The following GAB1 variants were observed in gnomAD, a reference collection of about 807,000 sequenced individuals.
GAB1 encodes GRB2 associated binding protein 1.
In GAB1, 19 loss-of-function variants were observed where a neutral mutation model predicts 66.5. The ratio of observed to expected loss-of-function variants is 0.29; its 90% CI spans 0.20 to 0.42. The LOEUF (loss-of-function observed/expected upper bound fraction) is 0.42, where lower values mean the gene tolerates loss of function less well. Ranked by LOEUF, GAB1 falls within the 10% of genes least tolerant of loss-of-function variation. GAB1 has a pLI of 1.00. For synonymous variants in GAB1, 294 were observed against 301.4 expected, an observed-to-expected ratio of 0.98 and a Z score of 0.25; for missense variants, 732 against 858.5, an observed-to-expected ratio of 0.85 and a Z score of 1.84.
chr4:143,401,333 A>G (rs1024232075), intron 1 of GAB1, among the ~76,000 whole-genome samples: 1 of 152,202 alleles, frequency 6.6e-6, no homozygotes, highest in African/African-American at 2.4e-5. Context: ...GTGAGATTGC[A>G]ATTGTTGGTA....
rs1736022255 is a variant in GAB1, at chr4:143,470,464, T to C, written c.*1275T>C. 1 of 152,196 alleles carries C rather than the reference T, an allele frequency of 6.6e-6. No individual in the cohort carries two copies. Among genetic ancestry groups the C allele is most frequent in the Non-Finnish European group, 1.5e-5 (1 of 68,026 alleles). 9.4% of individuals were successfully genotyped at this position (152,196 alleles called of 1,614,324 possible). On this transcript the variant is annotated 3_prime_UTR_variant, in exon 10 of 10. Coordinates refer to ENST00000262994, the MANE Select transcript of GAB1 (RefSeq NM_002039.4). ...TGAAATGTTATAGTCATGGACTCCT[T>C]CCAACCAGATTTCTGAAAACACCAG...
At chr4:143,370,856 T>A (rs1393647167) in intron 1 of GAB1, among the ~76,000 whole-genome samples, 1 of 152,212 alleles carries the variant, frequency 6.6e-6, no homozygotes, top group Non-Finnish European at 1.5e-5. Context: ...GCTTCATCCA[T>A]GTCACTACAA....
chr4:143,438,471 C>T lies in GAB1; in HGVS notation c.1066C>T (p.Pro356Ser). ...PKPHPAHDRS[P>S]VETCSIPRTA... ...ACCACATCCAGCTCATGACCGATCTCCTGTGGAAACGTGTAGTATCCCACG... is the reference window on the plus strand; with the variant it reads ...ACCACATCCAGCTCATGACCGATCTTCTGTGGAAACGTGTAGTATCCCACG... Residue 356 changes from proline (P) to serine (S), a missense_variant, in exon 4 of 10, where the codon CCT becomes TCT. Transcript: ENST00000262994. 1 of 1,614,080 alleles carries T rather than the reference C, an allele frequency of 6.2e-7. No individual in the cohort carries two copies. The highest frequency in any genetic ancestry group is 1.1e-5 in the South Asian group (1 of 91,078).
rs747944827 is a variant in GAB1 at position 143,466,235 on chromosome 4, A to T, written c.1926+10A>T. ...CACACCACCACGTAAGGTGAGTGAC[A>T]TGTGACATGTCTCTTCTTTGTATAC... On this transcript the variant is annotated intron_variant, in intron 9 of 9. Coordinates refer to ENST00000262994, the MANE Select transcript of GAB1 (RefSeq NM_002039.4). 6.2e-7 allele frequency: 1 copy of T among 1,612,706 alleles called. No homozygotes were observed. Among genetic ancestry groups the T allele is most frequent in the South Asian group, 1.1e-5 (1 of 90,938 alleles).
In GAB1 at chr4:143,438,128, A is replaced by G. The variant is rs758565778; in HGVS notation, c.723A>G (p.Ile241Met). 2 of 1,614,128 alleles carry G rather than the reference A, an allele frequency of 1.2e-6. No homozygotes were observed. Among genetic ancestry groups the G allele is most frequent in the South Asian group, 1.1e-5 (1 of 91,084 alleles). The change falls in exon 4 of 10, where the codon ATA (isoleucine) becomes ATG (methionine). Residue 241 changes from isoleucine to methionine, a missense_variant. Ile to Met is a conservative substitution (Grantham distance 10). Coordinates refer to ENST00000262994, the MANE Select transcript of GAB1 (RefSeq NM_002039.4). ...GMNGFFQQQM[I>M]YDSPPSRAPS... ...ATGGCTTTTTTCAGCAGCAAATGAT[A>G]TACGACTCTCCACCTTCACGTGCCC...
intron 1 of GAB1, among the ~76,000 whole-genome samples, chr4:143,358,577 C>G (rs1729537979): frequency 1.3e-5 from 2 of 152,120 alleles, no homozygotes; most frequent in Admixed American, 1.3e-4. Context: ...ACACATGAAA[C>G]TAAAACAATT....
intron 1 of GAB1, among the ~76,000 whole-genome samples, chr4:143,396,167 G>A (rs1731443634): frequency 6.6e-6 from 1 of 152,204 alleles, no homozygotes; most frequent in African/African-American, 2.4e-5. Context: ...GCATGGGGTA[G>A]TGACCCTGAC....
chr4:143,370,149 T>C (rs1730054866), intron 1 of GAB1, among the ~76,000 whole-genome samples: 1 of 152,184 alleles, frequency 6.6e-6, no homozygotes, highest in South Asian at 2.1e-4. Flanking sequence ...ATGTAGGGTA[T>C]AGTAAGAATA....
chr4:143,358,294 T>C (rs907174465), intron 1 of GAB1, among the ~76,000 whole-genome samples: 1 of 152,226 alleles, frequency 6.6e-6, no homozygotes, highest in African/African-American at 2.4e-5. Context: ...TAGCTTTTTT[T>C]CCAGTTGAAT....
rs547486857 is a variant in GAB1 at position 143,349,309 on chromosome 4, TG to T, written c.72+12050del. 4.1e-4 allele frequency: 508 copies of T among 1,231,382 alleles called. No homozygotes were observed. In the Middle Eastern group the frequency reaches 5.4e-3, roughly 13 times the overall value. 76.3% of individuals were successfully genotyped at this position (1,231,382 alleles called of 1,614,324 possible). A position where few individuals can be genotyped will look rare whatever the true frequency, so the allele number is the denominator to read the frequency against. On this transcript the variant is annotated intron_variant, in intron 1 of 9. Transcript: ENST00000262994. ...AGCCACAGCTGGAGCCTGAGTCCGCTGCATGGAGACTCTGGTGTGGGTCTTG... is the reference window on the plus strand; with the variant it reads ...AGCCACAGCTGGAGCCTGAGTCCGCTCATGGAGACTCTGGTGTGGGTCTTG...
At chr4:143,383,008 A>G (rs944273542) in intron 1 of GAB1, among the ~76,000 whole-genome samples, 2 of 152,180 alleles carry the variant, frequency 1.3e-5, no homozygotes, top group Non-Finnish European at 2.9e-5. Context: ...TTTTAATTTA[A>G]CAGTTGTTTT....
chr4:143,460,312 T>G, intron 7 of GAB1, 52 bp from the exon 8 acceptor site: 1 of 1,568,910 alleles, frequency 6.4e-7, no homozygotes, highest in South Asian at 1.1e-5. Context: ...GGGGAATAAT[T>G]TTAGATATTT....
chr4:143,467,514 T>C (rs191354774), intron 9 of GAB1, among the ~76,000 whole-genome samples: 1 of 152,316 alleles, frequency 6.6e-6, no homozygotes, highest in East Asian at 1.9e-4. Context: ...GTCTGGCCAA[T>C]TTACTGGCTC....
intron 2 of GAB1, among the ~76,000 whole-genome samples, chr4:143,431,488 T>C (rs1005117607): frequency 6.6e-6 from 1 of 152,232 alleles, no homozygotes; most frequent in Non-Finnish European, 1.5e-5. Context: ...TGAGTGCTCT[T>C]TAAGAAAATT....
chr4:143,398,205 T>A, intron 1 of GAB1, among the ~76,000 whole-genome samples: 1 of 152,368 alleles, frequency 6.6e-6, no homozygotes, highest in South Asian at 2.1e-4. Context: ...CATTGGAAGC[T>A]CACTGCTTTT....
At chr4:143,456,417 A>G (rs1038518711) in intron 6 of GAB1, among the ~76,000 whole-genome samples, 1 of 149,908 alleles carries the variant, frequency 6.7e-6, no homozygotes, top group Non-Finnish European at 1.5e-5. Flanking sequence ...AGATTGTGCC[A>G]TTGCACTCTA....
At chr4:143,383,932 G>T (rs1252613583) in intron 1 of GAB1, among the ~76,000 whole-genome samples, 1 of 152,064 alleles carries the variant, frequency 6.6e-6, no homozygotes, top group Admixed American at 6.6e-5. Context: ...AAAACTACCC[G>T]GGCGTGGTAA....
intron 1 of GAB1, chr4:143,350,169 C>T: frequency 1.4e-6 from 1 of 702,270 alleles, no homozygotes; most frequent in Admixed American, 2.5e-5. Context: ...TATTAAGACA[C>T]TTTTTGTGTG....
intron 1 of GAB1, among the ~76,000 whole-genome samples, chr4:143,411,575 A>G (rs1048059443): frequency 1.4e-4 from 21 of 152,330 alleles, no homozygotes; most frequent in African/African-American, 4.1e-4. Context: ...AAGGCAGTGT[A>G]CGGCTTTCTC....
Sources: allele counts gnomAD v4.1 joint callset (sites outside exome capture counted in the v4.1 genomes callset), GRCh38; gene constraint gnomAD v4.1.1; transcripts MANE v1.5; gene names NCBI Gene and HGNC (gene_info 2026-07-23, HGNC 2026-07-21).